The following CCDC150 variants were observed in gnomAD, a reference collection of about 807,000 sequenced individuals.
CCDC150 encodes the protein coiled-coil domain containing 150, also known as coiled-coil domain-containing protein 150.
Under a neutral mutation model 156.5 loss-of-function variants are expected in CCDC150, and 151 were observed. The observed-to-expected ratio is 0.97, with a 90% CI of 0.85 to 1.10. The LOEUF is 1.10. Among genes scored for constraint, CCDC150 ranks in the 50% least tolerant of loss-of-function variants. CCDC150 has a pLI of 0.00. For synonymous variants in CCDC150, 452 were observed against 429.4 expected (o/e 1.05, Z -0.65); for missense variants, 1,312 against 1,268.1 (o/e 1.03, Z -0.53).
Position 196,672,419 on chromosome 2 carries a change from A to G in CCDC150, c.1011A>G (p.Glu337=), listed in dbSNP as rs772944091. ...GGTCCGAAATAATGTCTCTTCATGA[A>G]GCATCAGAAAAAGCACAAGTAAATG... The part of the protein sequence containing the change: ...YLRSEIMSLH[E]ASEKAQVLND... Residue 337 remains glutamate (E), a synonymous_variant, in exon 9 of 28, where the codon GAA becomes GAG. Transcript: ENST00000389175. 6 of 1,523,490 alleles carry G rather than the reference A, an allele frequency of 3.9e-6. No homozygotes were observed. The Admixed American group carries it at 1.3e-4, about 34-fold the overall frequency. 94.4% of individuals were successfully genotyped at this position (1,523,490 alleles called of 1,614,324 possible).
At chr2:196,676,814 A>C in intron 12 of CCDC150, 83 bp downstream of exon 12, 1 of 1,250,906 alleles carries the variant, frequency 8.0e-7, no homozygotes, top group Non-Finnish European at 1.1e-6. Flanking sequence ...AAAGACAAGA[A>C]AAGAAATAAA....
At chr2:196,661,740 C>T (rs934566176) in intron 5 of CCDC150, among the ~76,000 whole-genome samples, 4 of 152,086 alleles carry the variant, frequency 2.6e-5, no homozygotes, top group Non-Finnish European at 4.4e-5. Flanking sequence ...ACTTATTGCC[C>T]TTAATAGTAC....
chr2:196,648,719 T>C (rs1387946894), intron 2 of CCDC150, among the ~76,000 whole-genome samples: 2 of 152,210 alleles, frequency 1.3e-5, no homozygotes, highest in Non-Finnish European at 2.9e-5. Context: ...CTGAGACCAA[T>C]GTCAAAGAGG....
At chr2:196,641,228 C>T (rs1168167627) in intron 1 of CCDC150, among the ~76,000 whole-genome samples, 1 of 152,134 alleles carries the variant, frequency 6.6e-6, no homozygotes, top group Admixed American at 6.5e-5. Flanking sequence ...CTGCCCGCCT[C>T]GGCCTTCCAA....
chr2:196,727,896 C>CA (rs1418512990), intron 22 of CCDC150: 1 of 150,956 alleles, frequency 6.6e-6, no homozygotes, highest in African/African-American at 2.4e-5. Flanking sequence ...CCTGTAGTCC[C>CA]AGCTACTCGG....
In CCDC150 at chr2:196,714,798, G is replaced by GTATATACATACTGA. The variant is rs1463320183; in HGVS notation, c.1866+2071_1866+2084dup. 7.9e-5 allele frequency among the ~76,000 whole-genome samples: 12 copies of GTATATACATACTGA among 152,098 alleles called. No individual in the cohort carries two copies. In the East Asian group the frequency reaches 2.1e-3, roughly 27 times the overall value. ...GTGGCATTTTTGCATTTATATGTGT[G>GTATATACATACTGA]TATATACATACTGATATATACATAC... On this transcript the variant is annotated intron_variant, in intron 17 of 27. Coordinates refer to ENST00000389175, the MANE Select transcript of CCDC150 (RefSeq NM_001080539.2).
intron 13 of CCDC150, among the ~76,000 whole-genome samples, chr2:196,687,265 C>A (rs1695176381): frequency 6.6e-6 from 1 of 152,164 alleles, no homozygotes; most frequent in Admixed American, 6.5e-5. Flanking sequence ...ACAACCTCAC[C>A]AGCATCTGTT....
chr2:196,688,126 C>T (rs1002062407), intron 13 of CCDC150, among the ~76,000 whole-genome samples: 2 of 152,094 alleles, frequency 1.3e-5, no homozygotes, highest in Non-Finnish European at 2.9e-5. Flanking sequence ...ATAGTATTTT[C>T]GAGTTCTGTG....
Position 196,674,892 on chromosome 2 carries a change from C to T in CCDC150, c.1137+544C>T, listed in dbSNP as rs532758885. On this transcript the variant is annotated intron_variant, in intron 10 of 27. Transcript: ENST00000389175. ...AAGCATACTTACTATATATACTAAGCATTGTGCTAAGGATTTTACACATAT... is the reference window on the plus strand; with the variant it reads ...AAGCATACTTACTATATATACTAAGTATTGTGCTAAGGATTTTACACATAT... Among the ~76,000 whole-genome samples the T allele has an allele frequency of 4.6e-5, 7 of 152,244 alleles. No individual in the cohort carries two copies. In the East Asian group the frequency reaches 1.3e-3, roughly 29 times the overall value.
rs755997840 is a variant in CCDC150, at chr2:196,666,837, AATCTG to A, written c.886_890del (p.Asp296AsnfsTer3). ...TTGGAGATTGCTACTTCACAGCTCAAATCTGATCTAAGTATGAAAATAGATGCTAG... is the reference window on the plus strand; with the variant it reads ...TTGGAGATTGCTACTTCACAGCTCAAATCTAAGTATGAAAATAGATGCTAG... On this transcript the variant is annotated frameshift_variant, in exon 7 of 28. Coordinates refer to ENST00000389175, the MANE Select transcript of CCDC150 (RefSeq NM_001080539.2). LOFTEE classifies it high-confidence loss of function. 1 of 1,613,762 alleles carries A rather than the reference AATCTG, an allele frequency of 6.2e-7. No individual in the cohort carries two copies. Among genetic ancestry groups the A allele is most frequent in the Admixed American group, 1.7e-5 (1 of 60,004 alleles).
chr2:196,640,396 C>T (rs1186153054), intron 1 of CCDC150, among the ~76,000 whole-genome samples: 4 of 152,190 alleles, frequency 2.6e-5, no homozygotes, highest in Non-Finnish European at 5.9e-5. Context: ...ATTTGTTAAT[C>T]TTGGCGTGCT....
At chr2:196,654,300 A>AGT (rs1693057840) in intron 2 of CCDC150, among the ~76,000 whole-genome samples, 1 of 151,640 alleles carries the variant, frequency 6.6e-6, no homozygotes, top group Non-Finnish European at 1.5e-5. Flanking sequence ...AGGCTTGGGA[A>AGT]GTTTTTTTTT....
chr2:196,716,873 G>C (rs1232008168), intron 17 of CCDC150, among the ~76,000 whole-genome samples: 2 of 7,710 alleles, frequency 2.6e-4, no homozygotes, highest in Non-Finnish European at 4.9e-4. Flanking sequence ...TTTTTTTTTT[G>C]AGACAGAGAG....
chr2:196,677,646 A>G (rs1575814873), intron 13 of CCDC150, among the ~76,000 whole-genome samples: 1 of 152,166 alleles, frequency 6.6e-6, no homozygotes, highest in South Asian at 2.1e-4. Context: ...AGAGTTAGCT[A>G]ATGGGCCTGT....
Position 196,721,554 on chromosome 2 carries a change from T to C in CCDC150, c.2292T>C (p.Ala764=). The change falls in exon 21 of 28, where the codon GCT becomes GCC. Residue 764 remains alanine (A), a synonymous_variant. Coordinates refer to ENST00000389175, the MANE Select transcript of CCDC150 (RefSeq NM_001080539.2). ...IESLQKALGV[A]REDNRKLAMS... ...CTCTACAAAAAGCTCTAGGTGTAGC[T>C]AGAGAAGACAACAGGAAACTTGCTA... 6.2e-7 allele frequency: 1 copy of C among 1,607,864 alleles called. No homozygotes were observed. The highest frequency in any genetic ancestry group is 8.5e-7 in the Non-Finnish European group (1 of 1,177,524).
chr2:196,707,612 T>C (rs925891959), intron 15 of CCDC150, among the ~76,000 whole-genome samples: 1 of 152,232 alleles, frequency 6.6e-6, no homozygotes, highest in East Asian at 1.9e-4. Context: ...AGGGTGTTGA[T>C]TTTAGATCTT....
rs773295461 is a variant in CCDC150, at chr2:196,730,895, A to T, written c.3019A>T (p.Lys1007Ter). Residue 1007 changes from lysine to a stop codon, truncating the protein, a stop_gained, in exon 26 of 28, where the codon AAA becomes TAA. Transcript: ENST00000389175. LOFTEE classifies it high-confidence loss of function. ...AACTGTCAGACACCTGAAGAAATGT[A>T]AAGAGGCAACAGAGAATACGCTGAA... is the stretch of plus-strand genomic sequence containing the variant. Reference protein sequence around the residue: ...EETVRHLKKCKEATENTLKEA... With the variant: ...EETVRHLKKC 6.2e-7 allele frequency: 1 copy of T among 1,602,030 alleles called. No individual in the cohort carries two copies. Among genetic ancestry groups the T allele is most frequent in the Non-Finnish European group, 8.5e-7 (1 of 1,174,102 alleles).
intron 7 of CCDC150, among the ~76,000 whole-genome samples, chr2:196,668,727 T>G (rs1255573747): frequency 1.3e-5 from 2 of 152,184 alleles, no homozygotes; most frequent in Non-Finnish European, 2.9e-5. Flanking sequence ...ATATACAGAT[T>G]TATAGTACTT....
At position 196,676,718 on chromosome 2, in the gene CCDC150, G is replaced by A. The variant is rs1575812585; in HGVS notation, c.1427G>A (p.Arg476Lys). The change falls in exon 12 of 28, where the codon AGA becomes AAA. Residue 476 changes from arginine to lysine, a missense_variant. Coordinates refer to ENST00000389175, the MANE Select transcript of CCDC150 (RefSeq NM_001080539.2). ...AAGTCTCTGCTAGAGGAGAAAGAAAGATTTCAGAGGGAGGTAGGTAGAAGC... is the reference window on the plus strand; with the variant it reads ...AAGTCTCTGCTAGAGGAGAAAGAAAAATTTCAGAGGGAGGTAGGTAGAAGC... ...EKKSLLEEKERFQREVNKTEK... is the reference protein window; with the variant it reads ...EKKSLLEEKEKFQREVNKTEK... 2.5e-6 allele frequency: 4 copies of A among 1,612,560 alleles called. No homozygotes were observed. Among genetic ancestry groups the A allele is most frequent in the African/African-American group, 1.3e-5 (1 of 74,860 alleles).
Sources: allele counts gnomAD v4.1 joint callset (sites outside exome capture counted in the v4.1 genomes callset), GRCh38; gene constraint gnomAD v4.1.1; transcripts MANE v1.5; gene names NCBI Gene and HGNC (gene_info 2026-07-23, HGNC 2026-07-21).